The following TIMM9 variants were observed in gnomAD, a reference collection of about 807,000 sequenced individuals.
TIMM9 encodes the protein translocase of inner mitochondrial membrane 9.
TIMM9 carries 10 observed loss-of-function variants against 13.4 expected under a neutral mutation model. The ratio of observed to expected loss-of-function variants is 0.75; its 90% CI spans 0.46 to 1.26. TIMM9 has a LOEUF of 1.26. Ranked by LOEUF, TIMM9 falls within the 50% of genes most tolerant of loss-of-function variation. The probability of loss-of-function intolerance (pLI) is 0.00; values close to 1 mark genes in which losing one functional copy is unlikely to be tolerated. For synonymous variants in TIMM9, 32 were observed against 32.1 expected, an observed-to-expected ratio of 1.00 and a Z score of 0.01; for missense variants, 87 against 100.8, an observed-to-expected ratio of 0.86 and a Z score of 0.58.
At chr14:58,421,645 C>T (rs1173269390) in intron 3 of TIMM9, among the ~76,000 whole-genome samples, 3 of 152,084 alleles carry the variant, frequency 2.0e-5, no homozygotes, top group Admixed American at 6.6e-5. Flanking sequence ...CAACATGCAG[C>T]GTGGTAGATA....
chr14:58,409,118 T>C lies in TIMM9; in HGVS notation c.186A>G (p.Arg62=). The C allele has an allele frequency of 1.2e-6, 2 of 1,613,924 alleles. No individual in the cohort carries two copies. Among genetic ancestry groups the C allele is most frequent in the Non-Finnish European group, 8.5e-7 (1 of 1,179,918 alleles). Residue 62 remains arginine, a synonymous_variant, in exon 6 of 6, where the codon AGA becomes AGG. Transcript: ENST00000395159. ...GATATTCCTGAAATCTCATGGATAT[T>C]CTTTGTGTCATTTTTAAATATTTCT... is the stretch of plus-strand genomic sequence containing the variant. ...CLQKYLKMTQ[R]ISMRFQEYHI... is the part of the protein sequence containing the mutation.
At chr14:58,410,973 T>C in intron 4 of TIMM9, 35 bp from the exon 5 acceptor site, 1 of 1,481,688 alleles carries the variant, frequency 6.7e-7, no homozygotes, top group Non-Finnish European at 9.3e-7. Flanking sequence ...TAGTATTTGG[T>C]TTTTAAAACA....
chr14:58,421,112 A>T (rs2036577447), intron 3 of TIMM9, among the ~76,000 whole-genome samples: 1 of 152,208 alleles, frequency 6.6e-6, no homozygotes, highest in South Asian at 2.1e-4. Context: ...TGAAAACCCA[A>T]ATGTTCTTCA....
chr14:58,411,034 ACTAT>A, intron 4 of TIMM9, 96 bp from the exon 5 acceptor site: 2 of 784,074 alleles, frequency 2.6e-6, no homozygotes, highest in Non-Finnish European at 4.3e-6. Context: ...GACAAAATAT[ACTAT>A]AACACTTGAA....
chr14:58,419,806 C>A (rs1407747516), intron 3 of TIMM9, among the ~76,000 whole-genome samples: 1 of 152,076 alleles, frequency 6.6e-6, no homozygotes, highest in Non-Finnish European at 1.5e-5. Context: ...GTCCCAGCTA[C>A]TCAAGAGGCT....
intron 3 of TIMM9, among the ~76,000 whole-genome samples, chr14:58,420,507 A>G (rs2036556232): frequency 6.6e-6 from 1 of 152,032 alleles, no homozygotes; most frequent in Non-Finnish European, 1.5e-5. Flanking sequence ...AAACCAAAAC[A>G]AGCTGCTGGG....
chr14:58,408,777 G>A lies in TIMM9; in HGVS notation c.*257C>T, dbSNP rs374780118. 1.0e-4 allele frequency: 69 copies of A among 690,624 alleles called. No individual in the cohort carries two copies. The highest frequency in any genetic ancestry group is 1.6e-4 in the Non-Finnish European group (67 of 430,956). 42.8% of individuals were successfully genotyped at this position (690,624 alleles called of 1,614,324 possible). On this transcript the variant is annotated 3_prime_UTR_variant, in exon 6 of 6. Transcript: ENST00000395159. ...AACAATGGTTTATTTTTCTAATCAA[G>A]TGACCAAGCTGCTGAATCATAAGGC...
intron 2 of TIMM9, among the ~76,000 whole-genome samples, chr14:58,424,647 A>G (rs1160345221): frequency 6.6e-6 from 1 of 151,658 alleles, no homozygotes; most frequent in Non-Finnish European, 1.5e-5. Flanking sequence ...GTGGGTGGAT[A>G]GCTTGAGCCC....
At chr14:58,419,453 A>T (rs368997505) in intron 3 of TIMM9, among the ~76,000 whole-genome samples, 170 of 12,452 alleles carry the variant, frequency 0.014, no homozygotes, top group Middle Eastern at 0.045. Flanking sequence ...AGACCCCGTC[A>T]CACACACACA....
At chr14:58,419,523 A>G (rs184119223) in intron 3 of TIMM9, among the ~76,000 whole-genome samples, 42 of 151,792 alleles carry the variant, frequency 2.8e-4, no homozygotes, top group Admixed American at 5.3e-4. Context: ...ACACACACAC[A>G]CACACAAAAA....
intron 3 of TIMM9, among the ~76,000 whole-genome samples, chr14:58,412,264 C>T (rs943504324): frequency 8.5e-5 from 13 of 152,176 alleles, no homozygotes; most frequent in African/African-American, 3.1e-4. Flanking sequence ...GCCTCAGCCT[C>T]CTGAGTAGCT....
At chr14:58,417,244 C>A (rs1317905674) in intron 3 of TIMM9, among the ~76,000 whole-genome samples, 5 of 151,830 alleles carry the variant, frequency 3.3e-5, no homozygotes, top group Non-Finnish European at 5.9e-5. Context: ...TAGGGTATGT[C>A]TTTACCAGCA....
At chr14:58,420,586 A>T (rs558004291) in intron 3 of TIMM9, among the ~76,000 whole-genome samples, 89 of 152,132 alleles carry the variant, frequency 5.9e-4, no homozygotes, top group Admixed American at 2.0e-3. Flanking sequence ...TGAGGTCAGG[A>T]GTTTGAGACT....
intron 3 of TIMM9, among the ~76,000 whole-genome samples, chr14:58,421,581 T>G (rs1566753688): frequency 6.6e-6 from 1 of 152,080 alleles, no homozygotes; most frequent in African/African-American, 2.4e-5. Context: ...ATAAAAAGTT[T>G]AATAATAAAG....
intron 2 of TIMM9, 78 bp downstream of exon 2, chr14:58,426,976 C>G (rs1197406518): frequency 3.9e-5 from 6 of 152,942 alleles, no homozygotes; most frequent in Admixed American, 1.3e-4. Context: ...CGGGAGACCC[C>G]GCCACTTTCC....
chr14:58,409,171 AGGAATGAAAAG>A lies in TIMM9; in HGVS notation c.136-14_136-4del. On this transcript the variant is annotated splice_polypyrimidine_tract_variant and splice_region_variant and intron_variant, in intron 5 of 5. Coordinates refer to ENST00000395159, the MANE Select transcript of TIMM9 (RefSeq NM_012460.4). ...AAGCAATGTTCTGAACAGGTGGTCT[AGGAATGAAAAG>A]GGAAGATCCAAGAGGCAACACAAAA... 1 of 1,611,192 alleles carries A rather than the reference AGGAATGAAAAG, an allele frequency of 6.2e-7. No individual in the cohort carries two copies. Among genetic ancestry groups the A allele is most frequent in the Middle Eastern group, 1.7e-4 (1 of 6,054 alleles).
chr14:58,415,491 CAGA>C (rs1006004818), intron 3 of TIMM9, among the ~76,000 whole-genome samples: 21 of 152,098 alleles, frequency 1.4e-4, no homozygotes, highest in Admixed American at 3.9e-4. Context: ...AATGAAAAAA[CAGA>C]AGGTCTCAGC....
At position 58,427,403 on chromosome 14, in the gene TIMM9, TCC is replaced by T. The variant is rs2036905703; in HGVS notation, c.-317_-316del. 1 of 542,292 alleles carries T rather than the reference TCC, an allele frequency of 1.8e-6. No homozygotes were observed. Among genetic ancestry groups the T allele is most frequent in the Non-Finnish European group, 3.3e-6 (1 of 306,188 alleles). 33.6% of individuals were successfully genotyped at this position (542,292 alleles called of 1,614,324 possible). A position where few individuals can be genotyped will look rare whatever the true frequency, so the allele number is the denominator to read the frequency against. ...GAAGCCTAATTTACCTAATCCCACG[TCC>T]CTAACGGTCTTCGGAAGCGAAGCAG... On this transcript the variant is annotated 5_prime_UTR_variant, in exon 1 of 6. Coordinates refer to ENST00000395159, the MANE Select transcript of TIMM9 (RefSeq NM_012460.4).
intron 3 of TIMM9, among the ~76,000 whole-genome samples, chr14:58,422,136 C>T (rs1202866025): frequency 1.5e-5 from 2 of 136,864 alleles, no homozygotes; most frequent in African/African-American, 2.7e-5. Flanking sequence ...TTTTTTGAGA[C>T]GGAGTTTTCG....
Sources: allele counts gnomAD v4.1 joint callset (sites outside exome capture counted in the v4.1 genomes callset), GRCh38; gene constraint gnomAD v4.1.1; transcripts MANE v1.5; gene names NCBI Gene and HGNC (gene_info 2026-07-23, HGNC 2026-07-21).